Variants in PRKDC observed in about 807,000 individuals in gnomAD.
PRKDC encodes the protein DNA-dependent protein kinase catalytic subunit.
In PRKDC, 82 loss-of-function variants were observed where a neutral mutation model predicts 486.9. That is an observed-to-expected ratio of 0.17 (90% CI 0.14 to 0.20). The LOEUF is 0.20. Ranked by LOEUF, PRKDC falls within the 10% of genes least tolerant of loss-of-function variation. The pLI is 1.00. For synonymous variants in PRKDC, 1,895 were observed against 1,837.0 expected (o/e 1.03, Z -0.81); for missense variants, 4,504 against 5,038.2 (o/e 0.89, Z 3.21).
Position 47,839,244 on chromosome 8 carries a change from T to C in PRKDC, c.7457A>G (p.Asp2486Gly). The change falls in exon 56 of 86, where the codon GAT becomes GGT. Residue 2486 changes from aspartate to glycine, a missense_variant and splice_region_variant. Asp to Gly is a moderately conservative substitution (Grantham distance 94). Around this residue, in one of 6 missense-constraint regions of PRKDC, gnomAD observed 1,592 missense variants for 1,724.6 expected, o/e 0.92. Coordinates refer to ENST00000314191, the MANE Select transcript of PRKDC (RefSeq NM_006904.7). ...ILMWIHDNYR[D>G]PESETDNDSQ... ...GTCATTATCTGTCTCACTTTCTGGA[T>C]CTCTGCTTGAGAAAACAGCAAAATG... 6.2e-7 allele frequency: 1 copy of C among 1,611,236 alleles called. No homozygotes were observed. Among genetic ancestry groups the C allele is most frequent in the Non-Finnish European group, 8.5e-7 (1 of 1,177,720 alleles).
intron 48 of PRKDC, among the ~76,000 whole-genome samples, chr8:47,857,809 C>T (rs1428545873): frequency 1.3e-5 from 2 of 152,162 alleles, no homozygotes; most frequent in African/African-American, 2.4e-5. Context: ...GCCATGTCTG[C>T]AGAGCTGCCC....
At chr8:47,883,047 C>CAA (rs2089254610) in intron 36 of PRKDC, among the ~76,000 whole-genome samples, 1 of 152,244 alleles carries the variant, frequency 6.6e-6, no homozygotes, top group Non-Finnish European at 1.5e-5. Context: ...CTGTATCCAG[C>CAA]ACCTTCCCCT....
chr8:47,939,457 C>T, intron 11 of PRKDC, 94 bp downstream of exon 11: 2 of 1,383,240 alleles, frequency 1.4e-6, no homozygotes, highest in Non-Finnish European at 2.0e-6. Flanking sequence ...TGTATTGTTA[C>T]AAGTATTAGA....
intron 32 of PRKDC, among the ~76,000 whole-genome samples, chr8:47,889,662 G>C (rs2089415125): frequency 6.6e-6 from 1 of 152,224 alleles, no homozygotes; most frequent in Admixed American, 6.5e-5. Flanking sequence ...ATATTTGCGA[G>C]TGTGTGTTTC....
intron 40 of PRKDC, among the ~76,000 whole-genome samples, chr8:47,876,018 G>T (rs2089084952): frequency 6.6e-6 from 1 of 152,150 alleles, no homozygotes; most frequent in Admixed American, 6.5e-5. Flanking sequence ...ATCACATATT[G>T]TATGATTCCA....
At position 47,848,360 on chromosome 8, in the gene PRKDC, T is replaced by C. The variant is rs1329545931; in HGVS notation, c.7280+794A>G. ...ACATGGATGCAGCTGGAGGCCACTG[T>C]CCTAAGTGAACTAGTACAGAAACAG... is the stretch of plus-strand genomic sequence containing the variant. On this transcript the variant is annotated intron_variant, in intron 54 of 85. Coordinates refer to ENST00000314191, the MANE Select transcript of PRKDC (RefSeq NM_006904.7). Among the ~76,000 whole-genome samples, 3 of 152,292 alleles carry C rather than the reference T, an allele frequency of 2.0e-5. No homozygotes were observed. The East Asian group carries it at 5.8e-4, about 29-fold the overall frequency.
chr8:47,810,084 C>G (rs2154498571), intron 68 of PRKDC, among the ~76,000 whole-genome samples: 1 of 152,278 alleles, frequency 6.6e-6, no homozygotes, highest in Non-Finnish European at 1.5e-5. Context: ...CAGACAGACT[C>G]AAAACAGCAC....
At chr8:47,775,703 G>T (rs1292555108) in intron 85 of PRKDC, among the ~76,000 whole-genome samples, 2 of 151,676 alleles carry the variant, frequency 1.3e-5, no homozygotes, top group Non-Finnish European at 2.9e-5. Flanking sequence ...GCACAAAATT[G>T]TTTAATTTTG....
intron 62 of PRKDC, among the ~76,000 whole-genome samples, chr8:47,827,790 T>C (rs922415945): frequency 2.0e-5 from 3 of 152,248 alleles, no homozygotes; most frequent in Non-Finnish European, 4.4e-5. Flanking sequence ...CCCAGCCACC[T>C]AGAATAAAGC....
At chr8:47,904,752 C>G in intron 26 of PRKDC, 117 bp downstream of exon 26, 1 of 730,306 alleles carries the variant, frequency 1.4e-6, no homozygotes, top group Admixed American at 2.9e-5. Context: ...AAGATCGTGC[C>G]ACTGCATTCC....
At chr8:47,939,486 G>C in intron 11 of PRKDC, 65 bp downstream of exon 11, 1 of 1,529,374 alleles carries the variant, frequency 6.5e-7, no homozygotes, top group Non-Finnish European at 9.0e-7. Context: ...AAAATGCAAT[G>C]AATTAGATTC....
At chr8:47,819,634 GC>G in intron 66 of PRKDC, 124 bp from the exon 67 acceptor site, 1 of 456,856 alleles carries the variant, frequency 2.2e-6, no homozygotes, top group Non-Finnish European at 3.8e-6. Flanking sequence ...CTATAAATAT[GC>G]CTCAGAATGG....
chr8:47,855,174 A>T, intron 50 of PRKDC, 48 bp downstream of exon 50: 3 of 1,479,360 alleles, frequency 2.0e-6, no homozygotes, highest in African/African-American at 1.4e-5. Context: ...GACACACTAC[A>T]TTTTAACCTA....
rs59757664 is a variant in PRKDC at position 47,792,060 on chromosome 8, G to T, written c.10670+2230C>A. Among the ~76,000 whole-genome samples the T allele has an allele frequency of 9.5e-3, 1,440 of 152,194 alleles. 18 individuals carry two copies. The highest frequency in any genetic ancestry group is 0.033 in the African/African-American group (1,366 of 41,512). The stretch of plus-strand genomic sequence containing the variant: ...CACTTGAAACAACATGGATGGAACT[G>T]AAGGACATTATGTGAAATAAGTCAG... On this transcript the variant is annotated intron_variant, in intron 74 of 85. Transcript: ENST00000314191.
chr8:47,918,678 A>T (rs900228884), intron 21 of PRKDC, among the ~76,000 whole-genome samples: 2 of 152,200 alleles, frequency 1.3e-5, no homozygotes, highest in South Asian at 2.1e-4. Flanking sequence ...ATCTGGGACA[A>T]TGTGGGCTTC....
At position 47,930,751 on chromosome 8, in the gene PRKDC, T is replaced by C; in HGVS notation, c.1813A>G (p.Thr605Ala). Residue 605 changes from threonine to alanine, a missense_variant, in exon 17 of 86, where the codon ACT becomes GCT. This residue lies in a region of PRKDC where 1,969 missense variants were observed against 2,068.9 expected (regional missense o/e 0.95). Transcript: ENST00000314191. ...DEAPGVWMIP[T>A]SDPAANLHPA... ...TGCAAGTTAGCCGCTGGATCTGAAG[T>C]TGGGATCATCCAAACACCAGGCGCC... The C allele has an allele frequency of 6.3e-7, 1 of 1,589,874 alleles. No individual in the cohort carries two copies.
At chr8:47,957,300 AGAG>A in intron 2 of PRKDC, 37 bp from the exon 3 acceptor site, 1 of 1,578,758 alleles carries the variant, frequency 6.3e-7, no homozygotes, top group Non-Finnish European at 8.7e-7. Context: ...AATATGGGTA[AGAG>A]GAGTCACTCC....
rs373343398 is a variant in PRKDC, at chr8:47,935,721, T to A, written c.1447+11A>T. The A allele has an allele frequency of 4.5e-5, 73 of 1,610,968 alleles. No homozygotes were observed. Among genetic ancestry groups the A allele is most frequent in the Non-Finnish European group, 6.2e-5 (73 of 1,178,138 alleles). Reference sequence around the variant, plus strand: ...ATCATTACTCATAAATACAATAAATTGCAAACTTACCCACAGTACTAATGC... The same window carrying A: ...ATCATTACTCATAAATACAATAAATAGCAAACTTACCCACAGTACTAATGC... On this transcript the variant is annotated intron_variant, in intron 13 of 85. Coordinates refer to ENST00000314191, the MANE Select transcript of PRKDC (RefSeq NM_006904.7).
chr8:47,924,207 A>G (rs2090119780), intron 21 of PRKDC, among the ~76,000 whole-genome samples: 2 of 152,122 alleles, frequency 1.3e-5, no homozygotes, highest in African/African-American at 4.8e-5. Flanking sequence ...TTCTAAGTTC[A>G]TAATATATTT....
Sources: allele counts gnomAD v4.1 joint callset (sites outside exome capture counted in the v4.1 genomes callset), GRCh38; gene constraint gnomAD v4.1.1; regional missense constraint gnomAD v4.1.1; transcripts MANE v1.5; gene names NCBI Gene and HGNC (gene_info 2026-07-23, HGNC 2026-07-21).